Variants in TDRD3 observed in about 807,000 individuals in gnomAD.
TDRD3 encodes tudor domain containing 3.
Under a neutral mutation model 86.7 loss-of-function variants are expected in TDRD3, and 45 were observed. That is an observed-to-expected ratio of 0.52 (90% CI 0.41 to 0.67). The LOEUF (loss-of-function observed/expected upper bound fraction) is 0.67, where lower values mean the gene tolerates loss of function less well. Ranked by LOEUF, TDRD3 falls within the 30% of genes least tolerant of loss-of-function variation. TDRD3 has a pLI of 0.00. For missense variants in TDRD3, 814 were observed against 889.0 expected (o/e 0.92, Z 1.07); for synonymous variants, 298 against 301.7 (o/e 0.99, Z 0.13).
At chr13:60,517,794 C>G (rs1269207188) in intron 10 of TDRD3, among the ~76,000 whole-genome samples, 1 of 152,152 alleles carries the variant, frequency 6.6e-6, no homozygotes, top group African/African-American at 2.4e-5. Flanking sequence ...ATAGTCTGTG[C>G]CAGAGCCACT....
intron 8 of TDRD3, among the ~76,000 whole-genome samples, chr13:60,496,817 G>A (rs563853422): frequency 6.6e-6 from 1 of 152,222 alleles, no homozygotes; most frequent in Admixed American, 6.5e-5. Context: ...ATTGTTACTG[G>A]AGGGTCCTTG....
intron 8 of TDRD3, among the ~76,000 whole-genome samples, chr13:60,500,048 T>C (rs1956800573): frequency 6.6e-6 from 1 of 152,212 alleles, no homozygotes; most frequent in South Asian, 2.1e-4. Flanking sequence ...CAGGCCGCCA[T>C]AGGTGAATCA....
At chr13:60,428,042 A>C (rs1012439985) in intron 1 of TDRD3, among the ~76,000 whole-genome samples, 8 of 151,908 alleles carry the variant, frequency 5.3e-5, no homozygotes, top group Admixed American at 5.2e-4. Context: ...TCAGTAACTT[A>C]CCCCTTACAG....
intron 5 of TDRD3, among the ~76,000 whole-genome samples, chr13:60,475,437 A>G (rs1218373974): frequency 1.3e-5 from 2 of 152,142 alleles, no homozygotes; most frequent in Non-Finnish European, 2.9e-5. Context: ...ATTCTTATTT[A>G]TGGCTGTGTA....
intron 5 of TDRD3, 125 bp from the exon 6 acceptor site, chr13:60,483,650 A>C: frequency 2.9e-5 from 21 of 735,972 alleles, no homozygotes; most frequent in Non-Finnish European, 4.0e-5. Flanking sequence ...ACTTCATGGA[A>C]GGCCTTTTTT....
At chr13:60,485,549 A>G (rs1043693551) in intron 6 of TDRD3, among the ~76,000 whole-genome samples, 1 of 152,086 alleles carries the variant, frequency 6.6e-6, no homozygotes, top group African/African-American at 2.4e-5. Context: ...GTATGTTTTA[A>G]ATATGTGCCC....
rs138516741 is a variant in TDRD3, at chr13:60,411,202, C to G, written c.41+13797C>G. Among the ~76,000 whole-genome samples the G allele has an allele frequency of 3.6e-3, 544 of 152,292 alleles. 6 individuals are homozygous for G. Among genetic ancestry groups the G allele is most frequent in the African/African-American group, 0.013 (528 of 41,554 alleles). On this transcript the variant is annotated intron_variant, in intron 1 of 13. Transcript: ENST00000377881. ...ATAGTTCACAATTAAAAGACACTCT[C>G]ATATAATTAGATGTAGTTTCTTAAC...
chr13:60,467,316 C>G lies in TDRD3; in HGVS notation c.432C>G (p.Asp144Glu). The G allele has an allele frequency of 6.2e-7, 1 of 1,613,920 alleles. No individual in the cohort carries two copies. Among genetic ancestry groups the G allele is most frequent in the South Asian group, 1.1e-5 (1 of 91,062 alleles). Residue 144 changes from aspartate (D) to glutamate (E), a missense_variant, in exon 5 of 14, where the codon GAC becomes GAG. Transcript: ENST00000377881. The stretch of plus-strand genomic sequence containing the variant: ...AAAATGGATTCCTGCTCTTGAATGA[C>G]TCTAACACCACAGTTCTTGGTGGTG... ...DIKNGFLLLN[D>E]SNTTVLGGEV...
intron 1 of TDRD3, among the ~76,000 whole-genome samples, chr13:60,397,903 C>T (rs544064224): frequency 5.4e-4 from 82 of 152,266 alleles, no homozygotes; most frequent in African/African-American, 1.9e-3. Context: ...CGCGCTGCGG[C>T]CGGAGCCGCC....
intron 11 of TDRD3, among the ~76,000 whole-genome samples, chr13:60,531,341 T>C (rs1957579103): frequency 6.6e-6 from 1 of 152,206 alleles, no homozygotes; most frequent in Non-Finnish European, 1.5e-5. Flanking sequence ...GGAGATTCAT[T>C]ATATTTAGAT....
At chr13:60,503,003 A>G (rs1294993951) in intron 8 of TDRD3, among the ~76,000 whole-genome samples, 2 of 152,234 alleles carry the variant, frequency 1.3e-5, no homozygotes, top group Non-Finnish European at 2.9e-5. Context: ...AACATGCTCC[A>G]AACTTTGTTC....
At chr13:60,496,810 G>C (rs1460918771) in intron 8 of TDRD3, among the ~76,000 whole-genome samples, 1 of 152,144 alleles carries the variant, frequency 6.6e-6, no homozygotes, top group Non-Finnish European at 1.5e-5. Flanking sequence ...GAGTCTTATT[G>C]TTACTGGAGG....
At chr13:60,405,338 G>GA (rs1272597291) in intron 1 of TDRD3, among the ~76,000 whole-genome samples, 3 of 151,588 alleles carry the variant, frequency 2.0e-5, no homozygotes, top group South Asian at 2.1e-4. Flanking sequence ...TAGTCTTATA[G>GA]AAAAAAAACC....
At chr13:60,448,257 A>G (rs1238341867) in intron 3 of TDRD3, among the ~76,000 whole-genome samples, 4 of 152,142 alleles carry the variant, frequency 2.6e-5, no homozygotes, top group Non-Finnish European at 5.9e-5. Context: ...TCCTGGACAT[A>G]TTGAATTTAC....
rs145592346 is a variant in TDRD3 at position 60,551,796 on chromosome 13, T to C, written c.2119-15729T>C. Among the ~76,000 whole-genome samples, 753 of 152,182 alleles carry C rather than the reference T, an allele frequency of 4.9e-3. 3 individuals carry two copies. Among genetic ancestry groups the C allele is most frequent in the Middle Eastern group, 0.024 (7 of 294 alleles). ...AGGAAACTTACAATATGGTAAAAGG[T>C]GAAGGAGAAACAAGCACCTTCTTCA... On this transcript the variant is annotated intron_variant, in intron 12 of 13. Transcript: ENST00000377881.
intron 5 of TDRD3, among the ~76,000 whole-genome samples, chr13:60,478,555 T>C (rs1280795463): frequency 1.3e-5 from 2 of 152,094 alleles, no homozygotes. Context: ...TCTGCCCACC[T>C]TGTCCTCCCA....
chr13:60,456,676 A>G (rs1384979042), intron 3 of TDRD3, among the ~76,000 whole-genome samples: 1 of 151,942 alleles, frequency 6.6e-6, no homozygotes, highest in Non-Finnish European at 1.5e-5. Flanking sequence ...ATTCTTGTCT[A>G]TTTTTGTGGA....
At chr13:60,557,584 CT>C in intron 12 of TDRD3, among the ~76,000 whole-genome samples, 1 of 152,174 alleles carries the variant, frequency 6.6e-6, no homozygotes, top group Non-Finnish European at 1.5e-5. Flanking sequence ...GCCCTGCCTG[CT>C]TTAAGGCTTA....
intron 10 of TDRD3, among the ~76,000 whole-genome samples, chr13:60,515,927 G>A (rs2137693495): frequency 6.6e-6 from 1 of 152,292 alleles, no homozygotes; most frequent in African/African-American, 2.4e-5. Context: ...GATAAATCTA[G>A]AAAGTGTTTC....
Sources: gnomAD v4.1 joint callset for allele counts (sites outside exome capture counted in the v4.1 genomes callset) on GRCh38, gnomAD v4.1.1 for gene constraint, MANE v1.5 for transcripts, NCBI Gene and HGNC (gene_info 2026-07-23, HGNC 2026-07-21) for gene names.